The following TASP1 variants were observed in gnomAD, a reference collection of about 807,000 sequenced individuals.
TASP1 encodes the protein taspase 1, also known as threonine aspartase 1.
In TASP1, 16 loss-of-function variants were observed where a neutral mutation model predicts 56.6. The observed-to-expected ratio is 0.28, with a 90% CI of 0.19 to 0.43. The LOEUF is 0.43. TASP1 is among the 20% of genes least tolerant of loss of function. The pLI is 1.00. For missense variants in TASP1, 393 were observed against 511.6 expected, an observed-to-expected ratio of 0.77 and a Z score of 2.24; for synonymous variants, 179 against 184.2, an observed-to-expected ratio of 0.97 and a Z score of 0.23.
intron 8 of TASP1, among the ~76,000 whole-genome samples, chr20:13,550,485 A>G (rs2045946620): frequency 6.6e-6 from 1 of 152,114 alleles, no homozygotes; most frequent in Non-Finnish European, 1.5e-5. Flanking sequence ...ACAACTAAAA[A>G]AAAAATTTCA....
At chr20:13,513,767 A>C (rs1166253057) in intron 10 of TASP1, among the ~76,000 whole-genome samples, 1 of 152,134 alleles carries the variant, frequency 6.6e-6, no homozygotes, top group Non-Finnish European at 1.5e-5. Context: ...TTTAACTTGC[A>C]AAGGTGGTTC....
intron 10 of TASP1, 108 bp from the exon 11 acceptor site, chr20:13,483,445 G>A: frequency 1.6e-6 from 1 of 640,090 alleles, no homozygotes; most frequent in African/African-American, 1.9e-5. Context: ...GTAGTTAGCT[G>A]GGAAAATAAT....
At chr20:13,264,786 T>A in the TASP1 span, among the ~76,000 whole-genome samples, 2 of 152,224 alleles carry the variant, frequency 1.3e-5, no homozygotes, top group Non-Finnish European at 1.5e-5. Context: ...GGATTTGTCA[T>A]CTGAGAAAAA....
the TASP1 span, among the ~76,000 whole-genome samples, chr20:13,366,652 A>G: frequency 1.3e-5 from 2 of 152,154 alleles, no homozygotes; most frequent in African/African-American, 4.8e-5. Flanking sequence ...AGGTCAGCCA[A>G]ACACAAGTCC....
chr20:13,155,761 G>T, the TASP1 span, among the ~76,000 whole-genome samples: 2 of 152,148 alleles, frequency 1.3e-5, no homozygotes, highest in African/African-American at 4.8e-5. Flanking sequence ...GGGAGGTGGA[G>T]CTTGCAGTGA....
At chr20:13,427,200 A>G (rs2042646127) in intron 12 of TASP1, among the ~76,000 whole-genome samples, 1 of 152,226 alleles carries the variant, frequency 6.6e-6, no homozygotes, top group Non-Finnish European at 1.5e-5. Context: ...TAAAACCAAA[A>G]GGCGGTTTGG....
intron 4 of TASP1, among the ~76,000 whole-genome samples, chr20:13,607,411 A>G (rs146311859): frequency 6.6e-6 from 1 of 152,374 alleles, no homozygotes; most frequent in African/African-American, 2.4e-5. Flanking sequence ...GCATAAAATA[A>G]TATAAGAACT....
At chr20:13,593,882 C>T (rs1037288529) in intron 4 of TASP1, among the ~76,000 whole-genome samples, 3 of 152,308 alleles carry the variant, frequency 2.0e-5, no homozygotes, top group Admixed American at 6.5e-5. Context: ...GCTCTGAGAA[C>T]GAACAGACTG....
At chr20:13,474,362 A>C (rs1363858538) in intron 11 of TASP1, among the ~76,000 whole-genome samples, 1 of 152,190 alleles carries the variant, frequency 6.6e-6, no homozygotes, top group South Asian at 2.1e-4. Context: ...CTTAACTCCC[A>C]CTTATAAGTG....
At chr20:13,365,915 A>T in the TASP1 span, among the ~76,000 whole-genome samples, 1 of 152,172 alleles carries the variant, frequency 6.6e-6, no homozygotes, top group East Asian at 1.9e-4. Context: ...ACACAAGATG[A>T]TAGCTTGAAC....
At chr20:13,281,073 A>G in the TASP1 span, among the ~76,000 whole-genome samples, 26 of 152,240 alleles carry the variant, frequency 1.7e-4, no homozygotes, top group East Asian at 7.7e-4. Context: ...AGAGAATTCT[A>G]AGCAACTTGC....
chr20:13,529,919 G>A (rs1209678087), intron 9 of TASP1, among the ~76,000 whole-genome samples: 1 of 152,166 alleles, frequency 6.6e-6, no homozygotes, highest in Non-Finnish European at 1.5e-5. Context: ...ACTGCCTCAT[G>A]TGGGAACACA....
In TASP1 at chr20:13,389,698, A is replaced by G. The variant is rs1023542243; in HGVS notation, c.*662T>C. ...CTTAGAAAAGCTTGATGAAATAAGT[A>G]CAAACTGTATCAATCAGACTATTAT... On this transcript the variant is annotated 3_prime_UTR_variant, in exon 14 of 14. Coordinates refer to ENST00000337743, the MANE Select transcript of TASP1 (RefSeq NM_017714.3). 1.6e-4 allele frequency: 24 copies of G among 153,002 alleles called. No homozygotes were observed. Among genetic ancestry groups the G allele is most frequent in the Middle Eastern group, 6.8e-3 (2 of 294 alleles). The allele number at this position is 153,002 out of a possible 1,614,324, so 9.5% of individuals were successfully genotyped here.
chr20:13,558,011 C>T (rs565124206), intron 8 of TASP1, among the ~76,000 whole-genome samples: 1 of 152,250 alleles, frequency 6.6e-6, no homozygotes, highest in East Asian at 1.9e-4. Context: ...CTTCTAAATT[C>T]TTATCCTTTG....
intron 11 of TASP1, among the ~76,000 whole-genome samples, chr20:13,470,188 C>T (rs2044435453): frequency 6.6e-6 from 1 of 152,078 alleles, no homozygotes; most frequent in South Asian, 2.1e-4. Flanking sequence ...AACCTCCTGA[C>T]ATTCTGATAC....
chr20:13,107,365 C>T, the TASP1 span, among the ~76,000 whole-genome samples: 399 of 152,044 alleles, frequency 2.6e-3, 8 homozygotes, highest in Admixed American at 0.021. Flanking sequence ...ACAAAGAATA[C>T]TAGAAATAGT....
the TASP1 span, among the ~76,000 whole-genome samples, chr20:13,322,736 T>C: frequency 6.6e-6 from 1 of 152,118 alleles, no homozygotes; most frequent in Non-Finnish European, 1.5e-5. Flanking sequence ...GGGGGTGGAA[T>C]ATGTGATCTT....
chr20:13,371,202 T>A, the TASP1 span, among the ~76,000 whole-genome samples: 1 of 152,176 alleles, frequency 6.6e-6, no homozygotes, highest in Non-Finnish European at 1.5e-5. Flanking sequence ...CTCTTTCTAC[T>A]TGCTTTGAGC....
At position 13,580,942 on chromosome 20, in the gene TASP1, C is replaced by A. The variant is rs749135048; in HGVS notation, c.443G>T (p.Cys148Phe). 1.1e-5 allele frequency: 18 copies of A among 1,610,196 alleles called. No individual in the cohort carries two copies. The highest frequency in any genetic ancestry group is 1.4e-5 in the Non-Finnish European group (17 of 1,178,838). The change falls in exon 6 of 14, where the codon TGT (cysteine) becomes TTT (phenylalanine). Residue 148 changes from cysteine to phenylalanine, a missense_variant. Cys to Phe is a radical substitution (Grantham distance 205). Around this residue, in one of 3 missense-constraint regions of TASP1, gnomAD observed 293 missense variants for 354.2 expected, o/e 0.83. Coordinates refer to ENST00000337743, the MANE Select transcript of TASP1 (RefSeq NM_017714.3). ...CGAGAGCTTGCCCTTCTGCCCTTCA[C>A]ATAAGAGTCTGTTGGCAACCGAGAC... Reference protein sequence around the residue: ...NPVSVANRLLCEGQKGKLSAG... With the variant: ...NPVSVANRLLFEGQKGKLSAG...
Sources: allele counts gnomAD v4.1 joint callset (sites outside exome capture counted in the v4.1 genomes callset), GRCh38; gene constraint gnomAD v4.1.1; regional missense constraint gnomAD v4.1.1; transcripts MANE v1.5; gene names NCBI Gene and HGNC (gene_info 2026-07-23, HGNC 2026-07-21).